The following ABCC1 variants were observed in gnomAD, a reference collection of about 807,000 sequenced individuals.
ABCC1 encodes multidrug resistance-associated protein 1.
In ABCC1, 83 loss-of-function variants were observed where a neutral mutation model predicts 172.9. The observed-to-expected ratio is 0.48, with a 90% CI of 0.40 to 0.58. ABCC1 has a LOEUF of 0.58. Ranked by LOEUF, ABCC1 falls within the 20% of genes least tolerant of loss-of-function variation. The pLI is 0.00. For missense variants in ABCC1, 1,817 were observed against 2,002.7 expected, an observed-to-expected ratio of 0.91 and a Z score of 1.77; for synonymous variants, 937 against 825.2, an observed-to-expected ratio of 1.14 and a Z score of -2.32.
intron 5 of ABCC1, among the ~76,000 whole-genome samples, chr16:16,022,699 G>T (rs17264736): frequency 0.45 from 68,257 of 151,846 alleles, 17,003 homozygotes; most frequent in Non-Finnish European, 0.57. Context: ...GCAGTAAGAG[G>T]TATTTTTAGT....
At chr16:16,006,563 G>T (rs2047538562) in intron 1 of ABCC1, among the ~76,000 whole-genome samples, 1 of 106,786 alleles carries the variant, frequency 9.4e-6, no homozygotes, top group Non-Finnish European at 2.2e-5. Context: ...GCAAAATACA[G>T]GCTTTTTTTT....
At chr16:15,999,816 CTCT>C (rs2047210373) in intron 1 of ABCC1, among the ~76,000 whole-genome samples, 1 of 27,560 alleles carries the variant, frequency 3.6e-5, no homozygotes, top group African/African-American at 1.2e-4. Flanking sequence ...TCTCCTCTCT[CTCT>C]CTCTCTCTCT....
intron 28 of ABCC1, 86 bp downstream of exon 28, chr16:16,134,594 G>C: frequency 3.6e-6 from 5 of 1,399,426 alleles, no homozygotes; most frequent in Non-Finnish European, 4.9e-6. Context: ...TATTTTTGGG[G>C]CAAACATACA....
intron 1 of ABCC1, among the ~76,000 whole-genome samples, chr16:15,995,345 A>G (rs770528111): frequency 3.3e-5 from 5 of 152,180 alleles, no homozygotes; most frequent in East Asian, 1.9e-4. Context: ...TAGACAGAAG[A>G]AGGCGGCACA....
chr16:16,117,263 A>G (rs1027818437), intron 23 of ABCC1, among the ~76,000 whole-genome samples: 1 of 152,184 alleles, frequency 6.6e-6, no homozygotes, highest in East Asian at 1.9e-4. Flanking sequence ...TTCACATGGC[A>G]GTAGGAAGAA....
intron 5 of ABCC1, among the ~76,000 whole-genome samples, chr16:16,022,665 C>G (rs999561963): frequency 1.3e-5 from 2 of 152,120 alleles, no homozygotes; most frequent in African/African-American, 4.8e-5. Flanking sequence ...TTGGAACATT[C>G]AGTGAAAGCT....
At position 16,090,462 on chromosome 16, in the gene ABCC1, G is replaced by A. The variant is rs779892061; in HGVS notation, c.2518G>A (p.Val840Ile). The change falls in exon 19 of 31, where the codon GTC becomes ATC. Residue 840 changes from valine (V) to isoleucine (I), a missense_variant. Physicochemically the swap from Val to Ile is conservative, Grantham distance 29. This residue lies in a region of ABCC1 where 1,412 missense variants were observed against 1,600.3 expected (regional missense o/e 0.88). Coordinates refer to ENST00000399410, the MANE Select transcript of ABCC1 (RefSeq NM_004996.4). ...CTTGCCGCAGGTGGACGTCATCATCGTCATGAGTGGCGGCAAGATCTCTGA... is the reference window on the plus strand; with the variant it reads ...CTTGCCGCAGGTGGACGTCATCATCATCATGAGTGGCGGCAAGATCTCTGA... ...SYLPQVDVII[V>I]MSGGKISEMG... 9 of 1,613,704 alleles carry A rather than the reference G, an allele frequency of 5.6e-6. No individual in the cohort carries two copies. The highest frequency in any genetic ancestry group is 1.3e-5 in the African/African-American group (1 of 74,944).
In ABCC1 at chr16:16,044,495, G is replaced by C; in HGVS notation, c.855G>C (p.Pro285=). 6.2e-7 allele frequency: 1 copy of C among 1,614,200 alleles called. No individual in the cohort carries two copies. Among genetic ancestry groups the C allele is most frequent in the Non-Finnish European group, 8.5e-7 (1 of 1,180,030 alleles). The change falls in exon 8 of 31, where the codon CCG becomes CCC. Residue 285 remains proline (P), a synonymous_variant. Coordinates refer to ENST00000399410, the MANE Select transcript of ABCC1 (RefSeq NM_004996.4). ...VVYSSKDPAQ[P]KESSKVDANE... ...ACTCCTCCAAGGATCCTGCCCAGCC[G>C]AAAGAGAGTTCCAAGGTGGATGCGA...
At chr16:16,090,674 A>G in intron 19 of ABCC1, 86 bp downstream of exon 19, 5 of 1,414,032 alleles carry the variant, frequency 3.5e-6, no homozygotes, top group Non-Finnish European at 4.7e-6. Context: ...GCCACCAGCC[A>G]CTTGGGGAAG....
At chr16:15,982,077 T>G (rs1385006056) in intron 1 of ABCC1, among the ~76,000 whole-genome samples, 1 of 152,210 alleles carries the variant, frequency 6.6e-6, no homozygotes, top group African/African-American at 2.4e-5. Context: ...CATATCACTA[T>G]CAGCGTTTTG....
chr16:16,039,138 G>A (rs1480950918), intron 7 of ABCC1, among the ~76,000 whole-genome samples: 1 of 151,834 alleles, frequency 6.6e-6, no homozygotes, highest in Non-Finnish European at 1.5e-5. Context: ...TTGACAAGAA[G>A]CTTTGGAGAA....
At chr16:16,061,813 G>T (rs541211848) in intron 12 of ABCC1, among the ~76,000 whole-genome samples, 2 of 120,750 alleles carry the variant, frequency 1.7e-5, no homozygotes, top group African/African-American at 6.7e-5. Flanking sequence ...TCACACTGCC[G>T]CCCAAGCTGG....
chr16:15,997,375 G>T (rs2047093821), intron 1 of ABCC1, among the ~76,000 whole-genome samples: 1 of 152,214 alleles, frequency 6.6e-6, no homozygotes, highest in African/African-American at 2.4e-5. Flanking sequence ...ATAGGCGTGA[G>T]CCACCGCGCC....
chr16:16,037,164 G>A (rs543013375), intron 7 of ABCC1, among the ~76,000 whole-genome samples: 2 of 151,888 alleles, frequency 1.3e-5, no homozygotes, highest in South Asian at 2.1e-4. Flanking sequence ...GCCATGGCGC[G>A]TGACTATCCC....
chr16:16,064,076 T>G (rs1450031280), intron 12 of ABCC1, among the ~76,000 whole-genome samples: 1 of 152,114 alleles, frequency 6.6e-6, no homozygotes, highest in Admixed American at 6.6e-5. Flanking sequence ...AACAGAGTAA[T>G]AGATGCCAGG....
intron 12 of ABCC1, 33 bp downstream of exon 12, chr16:16,056,328 T>C (rs1432654990): frequency 6.2e-7 from 1 of 1,610,672 alleles, no homozygotes; most frequent in South Asian, 1.1e-5. Context: ...TGGCCCTCAT[T>C]GTTTGATGTT....
intron 11 of ABCC1, among the ~76,000 whole-genome samples, chr16:16,054,696 C>T (rs1238306676): frequency 2.6e-5 from 4 of 152,144 alleles, no homozygotes; most frequent in African/African-American, 9.7e-5. Flanking sequence ...CAACCCATTT[C>T]AGTCCCTGGC....
chr16:16,044,721 C>T (rs1475180869), intron 8 of ABCC1, 41 bp downstream of exon 8: 3 of 1,568,588 alleles, frequency 1.9e-6, no homozygotes, highest in Non-Finnish European at 2.6e-6. Flanking sequence ...ATTTTCCCTC[C>T]TTGGCTTTGA....
At chr16:16,023,303 GT>G (rs2048257887) in intron 5 of ABCC1, among the ~76,000 whole-genome samples, 1 of 152,138 alleles carries the variant, frequency 6.6e-6, no homozygotes, top group Non-Finnish European at 1.5e-5. Flanking sequence ...TTTAAGATCT[GT>G]TTACACTTCT....
Sources: allele counts gnomAD v4.1 joint callset (sites outside exome capture counted in the v4.1 genomes callset), GRCh38; gene constraint gnomAD v4.1.1; regional missense constraint gnomAD v4.1.1; transcripts MANE v1.5; gene names NCBI Gene and HGNC (gene_info 2026-07-23, HGNC 2026-07-21).